The following RTEL1 variants were observed in gnomAD, a reference collection of about 807,000 sequenced individuals.
RTEL1 encodes the protein regulator of telomere length.
A neutral mutation model predicts 162.2 loss-of-function variants in RTEL1; 86 were observed. The ratio of observed to expected loss-of-function variants is 0.53; its 90% CI spans 0.45 to 0.63. RTEL1 has a LOEUF of 0.63. Ranked by LOEUF, RTEL1 falls within the 30% of genes least tolerant of loss-of-function variation. The pLI, the probability that RTEL1 is intolerant of heterozygous loss-of-function variation, is 0.00. For synonymous variants in RTEL1, 958 were observed against 717.9 expected, an observed-to-expected ratio of 1.33 and a Z score of -5.35; for missense variants, 1,941 against 1,750.2, an observed-to-expected ratio of 1.11 and a Z score of -1.95.
chr20:63,690,028 G>T, intron 24 of RTEL1, 59 bp from the exon 25 acceptor site: 18 of 1,585,938 alleles, frequency 1.1e-5, no homozygotes, highest in Non-Finnish European at 1.5e-5. Context: ...CTTCACTTCG[G>T]TGAACTGAAC....
rs2297441 is a variant in RTEL1 at position 63,696,229 on chromosome 20, G to A, written c.*371G>A. Reference sequence around the variant, plus strand: ...TCAGGGGACAGGGCTCTCTAATAAAGCTGCTGGCAGTGCCCAGGACGGTGT... The same window carrying A: ...TCAGGGGACAGGGCTCTCTAATAAAACTGCTGGCAGTGCCCAGGACGGTGT... On this transcript the variant is annotated 3_prime_UTR_variant, in exon 35 of 35. Coordinates refer to ENST00000360203, the MANE Select transcript of RTEL1 (RefSeq NM_001283009.2). 0.77 allele frequency: 244,542 copies of A among 316,230 alleles called. 97,176 individuals carry two copies. The highest frequency in any genetic ancestry group is 0.94 in the African/African-American group (43,659 of 46,614). 19.6% of individuals were successfully genotyped at this position (316,230 alleles called of 1,614,324 possible).
chr20:63,693,079 C>A, intron 29 of RTEL1, 64 bp from the exon 30 acceptor site: 1 of 1,610,636 alleles, frequency 6.2e-7, no homozygotes, highest in South Asian at 1.1e-5. Context: ...CATCTGGGTC[C>A]AAGGTGGTCT....
At chr20:63,667,973 C>G (rs2090169763) in intron 8 of RTEL1, among the ~76,000 whole-genome samples, 2 of 148,546 alleles carry the variant, frequency 1.3e-5, no homozygotes, top group Non-Finnish European at 1.5e-5. Flanking sequence ...GCTTCACACT[C>G]ACTCCCCTCT....
intron 14 of RTEL1, chr20:63,681,955 A>AG (rs1194633122): frequency 1.0e-6 from 1 of 985,268 alleles, no homozygotes. Context: ...TGGCTCTTCA[A>AG]GCAGGAGGCC....
intron 31 of RTEL1, 27 bp downstream of exon 31, chr20:63,694,515 C>G: frequency 5.2e-6 from 8 of 1,538,866 alleles, no homozygotes; most frequent in Non-Finnish European, 7.1e-6. Context: ...CCGTGTGCAG[C>G]CTACGACTTG....
intron 7 of RTEL1, among the ~76,000 whole-genome samples, 191 bp from the exon 8 acceptor site, chr20:63,667,278 C>G (rs529162543): frequency 1.3e-5 from 2 of 151,854 alleles, no homozygotes; most frequent in Admixed American, 1.3e-4. Flanking sequence ...ATCCCTTGGT[C>G]GGAAACTCAC....
chr20:63,667,615 A>G, intron 8 of RTEL1, 62 bp downstream of exon 8: 1 of 1,365,552 alleles, frequency 7.3e-7, no homozygotes, highest in Non-Finnish European at 1.0e-6. Flanking sequence ...GGGCTTGGGA[A>G]CAGCTGTCCG....
rs755129499 is a variant in RTEL1 at position 63,685,868 on chromosome 20, G to A, written c.1344G>A (p.Lys448=). ...SDAWSTTAAR[K]RGKVLSYWCF... ...CCTGGAGCACCACTGCAGCCAGAAA[G>A]CGAGGTACAGACCTGGGCCCACACG... is the stretch of plus-strand genomic sequence containing the variant. Residue 448 remains lysine (K), a synonymous_variant, in exon 16 of 35, where the codon AAG becomes AAA. Coordinates refer to ENST00000360203, the MANE Select transcript of RTEL1 (RefSeq NM_001283009.2). 6.2e-7 allele frequency: 1 copy of A among 1,612,448 alleles called. No individual in the cohort carries two copies. Among genetic ancestry groups the A allele is most frequent in the Non-Finnish European group, 8.5e-7 (1 of 1,179,828 alleles).
Position 63,693,161 on chromosome 20 carries a change from G to A in RTEL1, c.2870G>A (p.Arg957Gln), listed in dbSNP as rs753270617. 1.9e-5 allele frequency: 31 copies of A among 1,612,050 alleles called. No homozygotes were observed. The highest frequency in any genetic ancestry group is 2.5e-5 in the Non-Finnish European group (30 of 1,179,570). ...TCTACAGGCTTCTACCAGTTTGTGC[G>A]GCCCCACCATAAGCAGCAGTTTGAG... The part of the protein sequence containing the change: ...NLLQGFYQFV[R>Q]PHHKQQFEEV... The change falls in exon 30 of 35, where the codon CGG becomes CAG. Residue 957 changes from arginine (R) to glutamine (Q), a missense_variant. By Grantham distance (43) the Arg-to-Gln change is conservative. Transcript: ENST00000360203.
intron 7 of RTEL1, among the ~76,000 whole-genome samples, chr20:63,667,166 C>T (rs543878091): frequency 1.1e-4 from 16 of 152,198 alleles, no homozygotes; most frequent in African/African-American, 3.1e-4. Flanking sequence ...AGTGGTTCTG[C>T]GTTGTGTTTG....
chr20:63,683,572 C>T (rs140243242), intron 14 of RTEL1, among the ~76,000 whole-genome samples: 16 of 152,362 alleles, frequency 1.1e-4, no homozygotes, highest in African/African-American at 3.1e-4. Context: ...GTGTTCCAGC[C>T]GTGGTGTCTG....
intron 14 of RTEL1, among the ~76,000 whole-genome samples, chr20:63,683,291 G>C (rs951082292): frequency 1.6e-4 from 25 of 152,326 alleles, no homozygotes; most frequent in Admixed American, 1.4e-3. Flanking sequence ...GAAGGAAGCT[G>C]TTTCCTGAGG....
intron 12 of RTEL1, 107 bp downstream of exon 12, chr20:63,678,453 G>T: frequency 9.3e-7 from 1 of 1,077,944 alleles, no homozygotes; most frequent in Non-Finnish European, 1.3e-6. Context: ...CTGTTTTCAG[G>T]CCTGTTTTCC....
intron 11 of RTEL1, 28 bp downstream of exon 11, chr20:63,678,211 C>G (rs759077039): frequency 1.2e-6 from 2 of 1,613,482 alleles, no homozygotes; most frequent in East Asian, 2.2e-5. Flanking sequence ...CGCCTCCTTG[C>G]AGCTGGGTGG....
chr20:63,676,808 G>GCA (rs2146206587), intron 10 of RTEL1, among the ~76,000 whole-genome samples: 2 of 152,192 alleles, frequency 1.3e-5, no homozygotes, highest in South Asian at 2.1e-4. Flanking sequence ...GGTGGTGCAT[G>GCA]CTTGTAATCC....
At chr20:63,663,174 G>C (rs1457514765) in intron 6 of RTEL1, among the ~76,000 whole-genome samples, 1 of 152,234 alleles carries the variant, frequency 6.6e-6, no homozygotes, top group African/African-American at 2.4e-5. Flanking sequence ...GGGTCTCCCT[G>C]CACCTAACCT....
intron 14 of RTEL1, among the ~76,000 whole-genome samples, chr20:63,684,794 C>T (rs1231629404): frequency 2.6e-5 from 4 of 151,786 alleles, no homozygotes; most frequent in African/African-American, 9.7e-5. Context: ...TGAAACCTGC[C>T]CTGACGTTTT....
chr20:63,691,991 GC>G (rs2090757915), intron 28 of RTEL1, 154 bp downstream of exon 28: 4 of 595,638 alleles, frequency 6.7e-6, no homozygotes, highest in African/African-American at 5.6e-5. Flanking sequence ...ACGGCCAGGG[GC>G]TCAAGTGTGT....
rs750539539 is a variant in RTEL1, at chr20:63,694,408, C to T, written c.3029C>T (p.Thr1010Met). ...CCGGATCCCAAGCTGACCGTGTCCA[C>T]GGCTGCAGCCCAGCAGCTGGACCCC... is the stretch of plus-strand genomic sequence containing the variant. ...TAPDPKLTVS[T>M]AAAQQLDPQE... is the part of the protein sequence containing the mutation. The change falls in exon 31 of 35, where the codon ACG becomes ATG. Residue 1010 changes from threonine (T) to methionine (M), a missense_variant. By Grantham distance (81) the Thr-to-Met change is moderately conservative. Coordinates refer to ENST00000360203, the MANE Select transcript of RTEL1 (RefSeq NM_001283009.2). The T allele has an allele frequency of 9.3e-6, 15 of 1,612,432 alleles. No individual in the cohort carries two copies. Among genetic ancestry groups the T allele is most frequent in the East Asian group, 2.2e-5 (1 of 44,872 alleles).
Sources: gnomAD v4.1 joint callset for allele counts (sites outside exome capture counted in the v4.1 genomes callset) on GRCh38, gnomAD v4.1.1 for gene constraint, MANE v1.5 for transcripts, NCBI Gene and HGNC (gene_info 2026-07-23, HGNC 2026-07-21) for gene names.